Variants in ABCC9 observed in about 807,000 individuals in gnomAD.
ABCC9 encodes the protein ATP binding cassette subfamily C member 9.
A neutral mutation model predicts 188.3 loss-of-function variants in ABCC9; 95 were observed. The observed-to-expected ratio is 0.50, with a 90% CI of 0.43 to 0.60. The LOEUF (loss-of-function observed/expected upper bound fraction) is 0.60, where lower values mean the gene tolerates loss of function less well. Among genes scored for constraint, ABCC9 ranks in the 20% least tolerant of loss-of-function variants. The probability of loss-of-function intolerance (pLI) is 0.00; values close to 1 mark genes in which losing one functional copy is unlikely to be tolerated. For missense variants in ABCC9, 1,102 were observed against 1,876.3 expected (o/e 0.59, Z 7.62); for synonymous variants, 659 against 652.7 (o/e 1.01, Z -0.15).
rs747959192 is a variant in ABCC9, at chr12:21,863,128, A to C, written c.2238-74T>G. The stretch of plus-strand genomic sequence containing the variant: ...CTGTGCGTGTATGTATTTTACTATA[A>C]ATAGGGGAAATAAAATTAGTAAACT... On this transcript the variant is annotated intron_variant, in intron 19 of 39. Transcript: ENST00000261200. The C allele has an allele frequency of 2.1e-5, 20 of 957,046 alleles. No homozygotes were observed. In the South Asian group the frequency reaches 2.8e-4, roughly 13 times the overall value. 59.3% of individuals were successfully genotyped at this position (957,046 alleles called of 1,614,324 possible). A position where few individuals can be genotyped will look rare whatever the true frequency, so the allele number is the denominator to read the frequency against.
At position 21,815,742 on chromosome 12, in the gene ABCC9, T is replaced by C. The variant is rs765690576; in HGVS notation, c.4023+21A>G. On this transcript the variant is annotated intron_variant, in intron 34 of 39. Coordinates refer to ENST00000261200, the MANE Select transcript of ABCC9 (RefSeq NM_020297.4). ...TCAGAGGTTTTATGTATACAACATA[T>C]CAAATGCAGTGATTTCATACCTTTT... The C allele has an allele frequency of 5.0e-6, 8 of 1,611,220 alleles. No individual in the cohort carries two copies. In the South Asian group the frequency reaches 5.5e-5, roughly 11 times the overall value.
intron 14 of ABCC9, among the ~76,000 whole-genome samples, chr12:21,890,687 G>A (rs1947113146): frequency 6.6e-6 from 1 of 152,054 alleles, no homozygotes; most frequent in Admixed American, 6.6e-5. Context: ...GGATGAAACT[G>A]GAAACCATCA....
At chr12:21,893,660 A>G (rs1361246763) in intron 14 of ABCC9, among the ~76,000 whole-genome samples, 1 of 152,206 alleles carries the variant, frequency 6.6e-6, no homozygotes, top group Non-Finnish European at 1.5e-5. Context: ...AATGTTATTT[A>G]TGTTAGGGAG....
intron 31 of ABCC9, among the ~76,000 whole-genome samples, chr12:21,820,211 C>A (rs1210067363): frequency 1.3e-5 from 2 of 151,736 alleles, no homozygotes; most frequent in African/African-American, 2.4e-5. Flanking sequence ...TAAATTAGTA[C>A]CAGAAAATCC....
At chr12:21,826,139 A>C (rs1001643585) in intron 31 of ABCC9, among the ~76,000 whole-genome samples, 3 of 152,192 alleles carry the variant, frequency 2.0e-5, no homozygotes, top group Admixed American at 1.3e-4. Context: ...GGGAACTCTA[A>C]GAATATTTGC....
At chr12:21,813,483 C>T (rs942266852) in intron 35 of ABCC9, among the ~76,000 whole-genome samples, 3 of 152,018 alleles carry the variant, frequency 2.0e-5, no homozygotes, top group Non-Finnish European at 2.9e-5. Flanking sequence ...ATCTTAATAG[C>T]CTATGGCTAT....
intron 12 of ABCC9, among the ~76,000 whole-genome samples, chr12:21,903,432 C>A (rs964517818): frequency 1.2e-4 from 19 of 152,098 alleles, no homozygotes; most frequent in African/African-American, 4.3e-4. Flanking sequence ...CTGGCCAGGG[C>A]AATCAGGCAG....
In ABCC9 at chr12:21,863,054, A is replaced by G. The variant is rs1158913938; in HGVS notation, c.2238T>C (p.Ser746=). 3.1e-6 allele frequency: 5 copies of G among 1,595,354 alleles called. No individual in the cohort carries two copies. Among genetic ancestry groups the G allele is most frequent in the Non-Finnish European group, 4.3e-6 (5 of 1,168,894 alleles). ...CATATGCCACAGAGTACCTGTTCCTACTGAAAAATGAAAAAGAAAAAAAAA... is the reference window on the plus strand; with the variant it reads ...CATATGCCACAGAGTACCTGTTCCTGCTGAAAAATGAAAAAGAAAAAAAAA... The part of the protein sequence containing the change: ...ESEPSFEATR[S]RNRYSVAYAA... The change falls in exon 20 of 40, where the codon AGT becomes AGC. Residue 746 remains serine (S), a splice_region_variant and synonymous_variant. Coordinates refer to ENST00000261200, the MANE Select transcript of ABCC9 (RefSeq NM_020297.4).
chr12:21,901,805 A>C (rs1947765735), intron 12 of ABCC9, among the ~76,000 whole-genome samples: 1 of 152,216 alleles, frequency 6.6e-6, no homozygotes, highest in Non-Finnish European at 1.5e-5. Context: ...TTCATAAAGC[A>C]AGTCCTTAGA....
intron 11 of ABCC9, 113 bp from the exon 12 acceptor site, chr12:21,906,401 C>G: frequency 9.1e-7 from 1 of 1,093,942 alleles, no homozygotes. Context: ...GGCCCTGCCA[C>G]TCACTAATTA....
At chr12:21,831,698 A>G (rs377200725) in intron 30 of ABCC9, among the ~76,000 whole-genome samples, 1 of 152,210 alleles carries the variant, frequency 6.6e-6, no homozygotes, top group African/African-American at 2.4e-5. Flanking sequence ...GATAAGCAGA[A>G]TGTTTTTGGT....
chr12:21,869,226 A>G (rs1945939829), intron 18 of ABCC9, among the ~76,000 whole-genome samples: 3 of 152,180 alleles, frequency 2.0e-5, no homozygotes, highest in African/African-American at 7.2e-5. Flanking sequence ...AATTTTATAA[A>G]TACTCAGAAT....
intron 24 of ABCC9, among the ~76,000 whole-genome samples, chr12:21,848,877 G>A (rs187336774): frequency 7.3e-5 from 11 of 151,646 alleles, no homozygotes; most frequent in East Asian, 1.9e-4. Context: ...GAAGGGAAAC[G>A]TGCCAAAAAC....
At chr12:21,811,251 G>A (rs1207238741) in intron 36 of ABCC9, among the ~76,000 whole-genome samples, 2 of 152,128 alleles carry the variant, frequency 1.3e-5, no homozygotes, top group Non-Finnish European at 2.9e-5. Context: ...ATGATTGTAA[G>A]TTTCCTGAGG....
At chr12:21,922,189 A>G (rs1948848554) in intron 5 of ABCC9, among the ~76,000 whole-genome samples, 1 of 151,996 alleles carries the variant, frequency 6.6e-6, no homozygotes, top group Non-Finnish European at 1.5e-5. Context: ...TTATTTTTCC[A>G]GTCCATGAAT....
chr12:21,828,700 T>C (rs1047252260), intron 31 of ABCC9: 12 of 466,454 alleles, frequency 2.6e-5, no homozygotes, highest in African/African-American at 2.4e-4. Context: ...ATATTTGCCA[T>C]TCCATTAACT....
chr12:21,844,718 A>G (rs751159159), intron 27 of ABCC9, 49 bp downstream of exon 27: 13 of 1,605,900 alleles, frequency 8.1e-6, no homozygotes, highest in Non-Finnish European at 1.1e-5. Context: ...TGAAAAATGC[A>G]TATTTTTATT....
At chr12:21,817,456 G>A (rs952860703) in intron 32 of ABCC9, 149 bp from the exon 33 acceptor site, 4 of 747,176 alleles carry the variant, frequency 5.4e-6, no homozygotes, top group South Asian at 5.1e-5. Flanking sequence ...AGAGACCAAG[G>A]AGAATGTCAT....
Position 21,799,577 on chromosome 12 carries a change from G to A in ABCC9, c.*1467C>T, listed in dbSNP as rs567232093. On this transcript the variant is annotated 3_prime_UTR_variant, in exon 40 of 40. Coordinates refer to ENST00000261200, the MANE Select transcript of ABCC9 (RefSeq NM_020297.4). ...TCCATCTTGTGGAACTTATTTTTTTGTAAATATAAAGATTAAATATTCAGG... is the reference window on the plus strand; with the variant it reads ...TCCATCTTGTGGAACTTATTTTTTTATAAATATAAAGATTAAATATTCAGG... 1 of 152,114 alleles carries A rather than the reference G, an allele frequency of 6.6e-6. No homozygotes were observed. Among genetic ancestry groups the A allele is most frequent in the East Asian group, 1.9e-4 (1 of 5,180 alleles). The allele number at this position is 152,114 out of a possible 1,614,324, so 9.4% of individuals were successfully genotyped here.
Sources: gnomAD v4.1 joint callset for allele counts (sites outside exome capture counted in the v4.1 genomes callset) on GRCh38, gnomAD v4.1.1 for gene constraint, MANE v1.5 for transcripts, NCBI Gene and HGNC (gene_info 2026-07-23, HGNC 2026-07-21) for gene names.